Variants in AGAP1 observed in about 807,000 individuals in gnomAD.
AGAP1 encodes the protein arf-GAP with GTPase, ANK repeat and PH domain-containing protein 1.
In AGAP1, 29 loss-of-function variants were observed where a neutral mutation model predicts 105.3. That is an observed-to-expected ratio of 0.28 (90% confidence interval 0.21 to 0.38). The LOEUF (loss-of-function observed/expected upper bound fraction) is 0.38. AGAP1 is among the 10% of genes least tolerant of loss of function. The pLI is 1.00. For synonymous variants in AGAP1, 509 were observed against 485.9 expected (o/e 1.05, Z -0.63); for missense variants, 998 against 1,165.1 (o/e 0.86, Z 2.09).
Position 235,655,030 on chromosome 2 carries a change from C to G in AGAP1, c.164-54149C>G, listed in dbSNP as rs1312591914. 4.6e-5 allele frequency among the ~76,000 whole-genome samples: 7 copies of G among 151,370 alleles called. No homozygotes were observed. On this transcript the variant is annotated intron_variant, in intron 1 of 17. Coordinates refer to ENST00000304032, the MANE Select transcript of AGAP1 (RefSeq NM_001037131.3). This position sits in a 1 kb window ranked among gnomAD's most constrained non-coding sequence, Gnocchi z 4.3. ...CATATCATTTTAAACAAAGCTCTTT[C>G]ATGAATAAAGAATATTAATTACTAT... is the stretch of plus-strand genomic sequence containing the variant.
intron 1 of AGAP1, among the ~76,000 whole-genome samples, chr2:235,637,817 T>A (rs772295656): frequency 6.6e-6 from 1 of 152,180 alleles, no homozygotes; most frequent in African/African-American, 2.4e-5. Flanking sequence ...ACTGGAGAAC[T>A]GGGAAGACTG....
Position 235,949,551 on chromosome 2 carries a change from C to T in AGAP1, c.1483+18628C>T, listed in dbSNP as rs1427090799. Reference sequence around the variant, plus strand: ...ACAACTGAACAGATCTGCTTAAATCCCTCGAACACCCAAGGCTGTGTAGAT... The same window carrying T: ...ACAACTGAACAGATCTGCTTAAATCTCTCGAACACCCAAGGCTGTGTAGAT... On this transcript the variant is annotated intron_variant, in intron 12 of 17. Coordinates refer to ENST00000304032, the MANE Select transcript of AGAP1 (RefSeq NM_001037131.3). Among the ~76,000 whole-genome samples the T allele has an allele frequency of 7.2e-5, 11 of 152,136 alleles. No individual in the cohort carries two copies. The South Asian group carries it at 2.3e-3, about 32-fold the overall frequency.
intron 1 of AGAP1, among the ~76,000 whole-genome samples, chr2:235,514,653 A>G (rs1408625544): frequency 6.6e-6 from 1 of 152,188 alleles, no homozygotes; most frequent in Non-Finnish European, 1.5e-5. Context: ...GGCCATTCCG[A>G]TGGCTCCTGC....
rs2059350352 is a variant in AGAP1 at position 236,101,722 on chromosome 2, TG to T, written c.2115-18469del. ...CGCTGTTATGGTGAACGGAATTCAC[TG>T]TGATGGCGGCTGCACCAGCAGAGCC... is the stretch of plus-strand genomic sequence containing the variant. On this transcript the variant is annotated intron_variant, in intron 16 of 17. Transcript: ENST00000304032. The surrounding 1 kb of genome is among the most constrained non-coding windows in gnomAD (Gnocchi z 4.9). Among the ~76,000 whole-genome samples the T allele has an allele frequency of 6.6e-6, 1 of 152,224 alleles. No homozygotes were observed. Among genetic ancestry groups the T allele is most frequent in the Non-Finnish European group, 1.5e-5 (1 of 68,050 alleles).
chr2:235,743,151 A>T (rs1952688480), intron 4 of AGAP1, among the ~76,000 whole-genome samples: 1 of 152,244 alleles, frequency 6.6e-6, no homozygotes, highest in South Asian at 2.1e-4. Context: ...TGGGCGATGG[A>T]GCGAGACTTT....
rs759020117 is a variant in AGAP1, at chr2:235,905,121, A to G, written c.1156-3617A>G. Among the ~76,000 whole-genome samples, 2 of 152,132 alleles carry G rather than the reference A, an allele frequency of 1.3e-5. No homozygotes were observed. Among genetic ancestry groups the G allele is most frequent in the African/African-American group, 4.8e-5 (2 of 41,416 alleles). On this transcript the variant is annotated intron_variant, in intron 10 of 17. Transcript: ENST00000304032. This position sits in a 1 kb window ranked among gnomAD's most constrained non-coding sequence, Gnocchi z 4.2. ...AGCAGACACTTGGTACATTTCTATAATAATTTTAAATAAAATATCGTGGTT... is the reference window on the plus strand; with the variant it reads ...AGCAGACACTTGGTACATTTCTATAGTAATTTTAAATAAAATATCGTGGTT...
rs1366036719 is a variant in AGAP1 at position 235,494,515 on chromosome 2, G to C, written c.-172G>C. 1 of 143,238 alleles carries C rather than the reference G, an allele frequency of 7.0e-6. No homozygotes were observed. The highest frequency in any genetic ancestry group is 2.5e-5 in the African/African-American group (1 of 39,624). The allele number at this position is 143,238 out of a possible 1,614,324, so 8.9% of individuals were successfully genotyped here. On this transcript the variant is annotated 5_prime_UTR_variant, in exon 1 of 18. Coordinates refer to ENST00000304032, the MANE Select transcript of AGAP1 (RefSeq NM_001037131.3). ...TCCCGGCCATGAACTGAGCCCGCGG[G>C]CCAGCCCCGCGCCTGCTCCGCCCGC...
chr2:235,643,527 A>G (rs1947273764), intron 1 of AGAP1, among the ~76,000 whole-genome samples: 1 of 151,842 alleles, frequency 6.6e-6, no homozygotes, highest in East Asian at 1.9e-4. Context: ...TCAAGGAGCA[A>G]TGATCATCAT....
At chr2:236,011,555 A>C (rs1281278457) in intron 13 of AGAP1, among the ~76,000 whole-genome samples, 1 of 152,234 alleles carries the variant, frequency 6.6e-6, no homozygotes, top group Non-Finnish European at 1.5e-5. Context: ...AGCAGAATGG[A>C]AAACACTAAC....
At chr2:235,756,448 T>C (rs1009653906) in intron 6 of AGAP1, among the ~76,000 whole-genome samples, 2 of 152,180 alleles carry the variant, frequency 1.3e-5, no homozygotes, top group African/African-American at 4.8e-5. Context: ...GGTTTCCCTT[T>C]CATAGGCAAT....
chr2:235,805,823 C>G (rs980423850), intron 8 of AGAP1, among the ~76,000 whole-genome samples: 1 of 152,040 alleles, frequency 6.6e-6, no homozygotes, highest in Non-Finnish European at 1.5e-5. Flanking sequence ...TGATTTATTC[C>G]CTGTCATCTC....
At chr2:235,597,398 A>G (rs1331806799) in intron 1 of AGAP1, among the ~76,000 whole-genome samples, 3 of 152,172 alleles carry the variant, frequency 2.0e-5, no homozygotes, top group Non-Finnish European at 4.4e-5. Context: ...TGGCCCCTCC[A>G]GGGCCACACA....
At chr2:235,510,739 G>A (rs1274836771) in intron 1 of AGAP1, among the ~76,000 whole-genome samples, 2 of 152,126 alleles carry the variant, frequency 1.3e-5, no homozygotes, top group Non-Finnish European at 2.9e-5. Flanking sequence ...TTAAGAAAGA[G>A]CATTTGCCCT....
intron 6 of AGAP1, among the ~76,000 whole-genome samples, chr2:235,795,975 G>A (rs966045828): frequency 6.6e-6 from 1 of 152,104 alleles, no homozygotes; most frequent in African/African-American, 2.4e-5. Flanking sequence ...GAAGTTTCTC[G>A]CATCTTCCCT....
chr2:235,695,686 C>T (rs138836142), intron 1 of AGAP1, among the ~76,000 whole-genome samples: 1,914 of 152,210 alleles, frequency 0.013, 42 homozygotes, highest in African/African-American at 0.042. Flanking sequence ...GCTGGTCAGG[C>T]AGAGGGCCGG....
intron 13 of AGAP1, among the ~76,000 whole-genome samples, chr2:236,034,763 C>T (rs2057328775): frequency 6.6e-6 from 1 of 152,214 alleles, no homozygotes; most frequent in Admixed American, 6.5e-5. Context: ...CCACTCAGCA[C>T]GTGCATCACA....
chr2:235,670,644 C>A, intron 1 of AGAP1: 1 of 635,416 alleles, frequency 1.6e-6, no homozygotes, highest in Non-Finnish European at 2.8e-6. Flanking sequence ...GGGAGCCTGG[C>A]CTGGGCGCCG....
intron 11 of AGAP1, among the ~76,000 whole-genome samples, chr2:235,914,106 A>G (rs1336657685): frequency 6.6e-6 from 1 of 151,840 alleles, no homozygotes; most frequent in Non-Finnish European, 1.5e-5. Context: ...TAAAACTCCT[A>G]ATTTTTGTGT....
Position 235,802,846 on chromosome 2 carries a change from GTGA to G in AGAP1, c.957+3330_957+3332del, listed in dbSNP as rs1164466064. ...TGTGGTTGTGATGATGGTTATGGTT[GTGA>G]TGATGGTTGTGATGGTGATGATGCT... On this transcript the variant is annotated intron_variant, in intron 8 of 17. Transcript: ENST00000304032. Among the ~76,000 whole-genome samples, 20 of 148,692 alleles carry G rather than the reference GTGA, an allele frequency of 1.3e-4. No homozygotes were observed. The East Asian group carries it at 2.8e-3, about 21-fold the overall frequency.
Sources: gnomAD v4.1 joint callset for allele counts (sites outside exome capture counted in the v4.1 genomes callset) on GRCh38, gnomAD v4.1.1 for gene constraint, Gnocchi (gnomAD v3.1) non-coding constraint, MANE v1.5 for transcripts, NCBI Gene and HGNC (gene_info 2026-07-23, HGNC 2026-07-21) for gene names.